NBPF8: variants seen among roughly 807,000 people sequenced by gnomAD.
The protein encoded by NBPF8 is NBPF family member NBPF8.
At chr1:120,469,065 C>T (rs1294206151), downstream of NBPF8, among the ~76,000 whole-genome samples, 1 of 148,562 alleles carries the variant, frequency 6.7e-6, no homozygotes, top group African/African-American at 2.5e-5. Flanking sequence ...CCTCCTACTT[C>T]AAATGCAGAA....
upstream of NBPF8, among the ~76,000 whole-genome samples, chr1:120,415,513 C>T (rs1471001331): frequency 6.6e-6 from 1 of 152,114 alleles, no homozygotes; most frequent in Admixed American, 6.6e-5. Flanking sequence ...AACTCGCTGG[C>T]GGGTGTTCTG....
intron 1 of NBPF8, among the ~76,000 whole-genome samples, chr1:120,421,174 C>G (rs1177715954): frequency 2.0e-5 from 3 of 152,060 alleles, no homozygotes; most frequent in Non-Finnish European, 4.4e-5. Context: ...AACAGTGGGC[C>G]AGAGGAATAA....
upstream of NBPF8, among the ~76,000 whole-genome samples, chr1:120,416,688 C>T (rs1211589979): frequency 7.1e-6 from 1 of 141,830 alleles, no homozygotes; most frequent in African/African-American, 2.6e-5. Flanking sequence ...TAGAACATTA[C>T]TAGACTGGGG....
chr1:120,436,352 A>C (rs1661076001), upstream of NBPF8: 1 of 1,543,790 alleles, frequency 6.5e-7, no homozygotes, highest in Non-Finnish European at 8.7e-7. Context: ...AAGGATCCTA[A>C]AGTGCTGTGG....
rs1557925964 is a variant in NBPF8 at position 120,420,350 on chromosome 1, C to G, written n.269+232C>G. Among the ~76,000 whole-genome samples the G allele has an allele frequency of 3.4e-5, 5 of 148,206 alleles. No homozygotes were observed. In the South Asian group the frequency reaches 1.1e-3, roughly 32 times the overall value. The stretch of plus-strand genomic sequence containing the variant: ...GAAGTGATTTTACTTCAGGAGAGGA[C>G]AGTGTTCTCTCCAGGACTTTTCCTT... On this transcript the variant is annotated intron_variant and non_coding_transcript_variant, in intron 1 of 28. Coordinates refer to the NBPF8 transcript ENST00000652355.
downstream of NBPF8, among the ~76,000 whole-genome samples, chr1:120,469,479 G>A (rs1214293264): frequency 1.0e-4 from 15 of 143,436 alleles, no homozygotes; most frequent in Admixed American, 7.0e-4. Flanking sequence ...CCTGGTGCTC[G>A]GTCACAGTGA....
rs1166065110 is a variant in NBPF8, at chr1:120,451,982, C to T, written n.2075-135C>T. Reference sequence around the variant, plus strand: ...TTCTATTCTTTCTCTTGGCCACAGACATTCCTTTCAACATGTGCTGACCTT... The same window carrying T: ...TTCTATTCTTTCTCTTGGCCACAGATATTCCTTTCAACATGTGCTGACCTT... On this transcript the variant is annotated intron_variant and non_coding_transcript_variant, in intron 12 of 24. Transcript: ENST00000583271. 1.9e-5 allele frequency: 19 copies of T among 992,178 alleles called. No homozygotes were observed. In the South Asian group the frequency reaches 2.3e-4, roughly 12 times the overall value. 61.5% of individuals were successfully genotyped at this position (992,178 alleles called of 1,614,324 possible).
Position 120,421,162 on chromosome 1 carries a change from G to C in NBPF8, n.269+1044G>C, listed in dbSNP as rs1305134974. Reference sequence around the variant, plus strand: ...CCAAAGACAAGACTCAGTGTCTCTGGCAACAGTGGGCCAGAGGAATAATGT... The same window carrying C: ...CCAAAGACAAGACTCAGTGTCTCTGCCAACAGTGGGCCAGAGGAATAATGT... On this transcript the variant is annotated intron_variant and non_coding_transcript_variant, in intron 1 of 28. Coordinates refer to the NBPF8 transcript ENST00000652355. Among the ~76,000 whole-genome samples the C allele has an allele frequency of 3.9e-5, 6 of 152,048 alleles. No individual in the cohort carries two copies. In the East Asian group the frequency reaches 9.7e-4, roughly 24 times the overall value.
At chr1:120,430,146 C>A in intron 3 of NBPF8, among the ~76,000 whole-genome samples, 1 of 70,090 alleles carries the variant, frequency 1.4e-5, no homozygotes, top group Non-Finnish European at 2.8e-5. Flanking sequence ...AGTAGAATAC[C>A]TGTTGTTACT....
chr1:120,449,491 A>G, intron 11 of NBPF8, 89 bp downstream of exon 9: 1 of 994,876 alleles, frequency 1.0e-6, no homozygotes, highest in Non-Finnish European at 1.6e-6. Context: ...ATCAAAAATA[A>G]TTTCATCCTT....
At chr1:120,449,958 G>A (rs587661933) in intron 11 of NBPF8, among the ~76,000 whole-genome samples, 122 of 152,254 alleles carry the variant, frequency 8.0e-4, no homozygotes, top group Middle Eastern at 3.4e-3. Context: ...GCCGTGCATG[G>A]TGGCTCACTC....
At chr1:120,436,571 A>G (rs1661088760) in exon 1 of NBPF8, 3 of 1,570,352 alleles carry the variant, frequency 1.9e-6, no homozygotes, top group East Asian at 2.2e-5. Context: ...AGAGATGAAC[A>G]TTCTAGAAAT....
intron 1 of NBPF8, among the ~76,000 whole-genome samples, chr1:120,425,292 C>T (rs1286526190): frequency 5.9e-5 from 9 of 151,638 alleles, no homozygotes; most frequent in East Asian, 1.9e-4. Context: ...GTGTAAAGCC[C>T]GATTGTATAT....
At position 120,436,480 on chromosome 1, in the gene NBPF8, C is replaced by T. The variant is rs1194432001; in HGVS notation, n.128C>T. On this transcript the variant is annotated non_coding_transcript_exon_variant, in exon 1 of 25. Transcript: ENST00000583271. The stretch of plus-strand genomic sequence containing the variant: ...AACCCATCATATGTTTGGGTTTCTT[C>T]TCCCCAGTCCCTGACTCCACCTCTT... The T allele has an allele frequency of 3.4e-5, 45 of 1,340,478 alleles. No individual in the cohort carries two copies. In the Middle Eastern group the frequency reaches 1.0e-3, roughly 30 times the overall value. 83.0% of individuals were successfully genotyped at this position (1,340,478 alleles called of 1,614,324 possible).
In NBPF8 at chr1:120,456,840, T is replaced by C. The variant is rs1377253243; in HGVS notation, n.2620+1380T>C. 2.6e-5 allele frequency among the ~76,000 whole-genome samples: 4 copies of C among 152,046 alleles called. No homozygotes were observed. In the South Asian group the frequency reaches 8.3e-4, roughly 32 times the overall value. On this transcript the variant is annotated intron_variant and non_coding_transcript_variant, in intron 16 of 24. Transcript: ENST00000583271. Reference sequence around the variant, plus strand: ...GCTGGTTATTTCGCCCGTTAGTTGATGCAATTTCTTCCTAGCGTCAATGGT... The same window carrying C: ...GCTGGTTATTTCGCCCGTTAGTTGACGCAATTTCTTCCTAGCGTCAATGGT...
In NBPF8 at chr1:120,449,417, C is replaced by G. The variant is rs781993436; in HGVS notation, n.1971+15C>G. 1.3e-5 allele frequency: 19 copies of G among 1,472,328 alleles called. No homozygotes were observed. Among genetic ancestry groups the G allele is most frequent in the Non-Finnish European group, 1.7e-5 (18 of 1,051,336 alleles). The allele number at this position is 1,472,328 out of a possible 1,614,324, so 91.2% of individuals were successfully genotyped here. On this transcript the variant is annotated intron_variant and non_coding_transcript_variant, in intron 11 of 24. Transcript: ENST00000583271. Reference sequence around the variant, plus strand: ...GAACAAATACAGTAAGATCTACAGGCTCACCATCATGAAAGTGATGAATGA... The same window carrying G: ...GAACAAATACAGTAAGATCTACAGGGTCACCATCATGAAAGTGATGAATGA...
downstream of NBPF8, among the ~76,000 whole-genome samples, chr1:120,468,989 A>T (rs1317927491): frequency 2.6e-5 from 4 of 152,062 alleles, no homozygotes; most frequent in Non-Finnish European, 2.9e-5. Flanking sequence ...GTTGACCCCT[A>T]CGGCTCTGAA....
upstream of NBPF8, among the ~76,000 whole-genome samples, chr1:120,419,198 A>G (rs1660505603): frequency 6.6e-6 from 1 of 152,398 alleles, no homozygotes; most frequent in Admixed American, 6.5e-5. Flanking sequence ...TCAACCTGAC[A>G]TAAAAGGAAA....
upstream of NBPF8, among the ~76,000 whole-genome samples, chr1:120,417,816 G>A (rs1660471442): frequency 6.8e-6 from 1 of 146,254 alleles, no homozygotes; most frequent in Non-Finnish European, 1.5e-5. Flanking sequence ...TCCCAGGTTG[G>A]TCTCAAACTC....
Sources: allele counts gnomAD v4.1 joint callset (sites outside exome capture counted in the v4.1 genomes callset), GRCh38; gene constraint gnomAD v4.1.1; transcripts MANE v1.5; gene names NCBI Gene and HGNC (gene_info 2026-07-23, HGNC 2026-07-21).